The following RPS6KC1 variants were observed in gnomAD, a reference collection of about 807,000 sequenced individuals.
RPS6KC1 encodes the protein inactive ribosomal protein S6 kinase delta-1.
Under a neutral mutation model 103.8 loss-of-function variants are expected in RPS6KC1, and 54 were observed. The observed-to-expected ratio is 0.52, with a 90% CI of 0.42 to 0.65. RPS6KC1 has a LOEUF of 0.65. Among genes scored for constraint, RPS6KC1 ranks in the 30% least tolerant of loss-of-function variants. The probability of loss-of-function intolerance (pLI) is 0.00; values close to 1 mark genes in which losing one functional copy is unlikely to be tolerated. For missense variants in RPS6KC1, 1,151 were observed against 1,253.8 expected (o/e 0.92, Z 1.24); for synonymous variants, 439 against 438.7 (o/e 1.00, Z -0.01).
intron 8 of RPS6KC1, among the ~76,000 whole-genome samples, chr1:213,200,316 C>G (rs544922882): frequency 4.7e-4 from 71 of 152,000 alleles, no homozygotes; most frequent in African/African-American, 1.7e-3. Context: ...AATAGAGAAC[C>G]CAGAAATAAG....
At chr1:213,360,370 T>C in the RPS6KC1 span, among the ~76,000 whole-genome samples, 1 of 152,240 alleles carries the variant, frequency 6.6e-6, no homozygotes, top group Non-Finnish European at 1.5e-5. Context: ...GCTTGTGCAT[T>C]TGTCACGTAG....
At chr1:213,808,412 T>C in the RPS6KC1 span, among the ~76,000 whole-genome samples, 2 of 152,258 alleles carry the variant, frequency 1.3e-5, no homozygotes, top group African/African-American at 4.8e-5. Context: ...GCAGGCCTTC[T>C]TGAGCTGTGG....
At chr1:213,446,091 A>G in the RPS6KC1 span, among the ~76,000 whole-genome samples, 2 of 152,176 alleles carry the variant, frequency 1.3e-5, no homozygotes, top group Non-Finnish European at 2.9e-5. Context: ...CGTGCTGTTG[A>G]AATGAGTATT....
chr1:213,140,883 G>T, intron 6 of RPS6KC1, among the ~76,000 whole-genome samples: 2 of 126,084 alleles, frequency 1.6e-5, no homozygotes, highest in African/African-American at 3.0e-5. Context: ...CAGTAGGATT[G>T]GTACCTCCTC....
At chr1:213,421,440 C>T in the RPS6KC1 span, among the ~76,000 whole-genome samples, 2 of 152,154 alleles carry the variant, frequency 1.3e-5, no homozygotes, top group Admixed American at 6.5e-5. Flanking sequence ...TGAGAGGACA[C>T]AATTAAATCC....
the RPS6KC1 span, among the ~76,000 whole-genome samples, chr1:213,325,557 T>C: frequency 6.6e-6 from 1 of 152,358 alleles, no homozygotes; most frequent in East Asian, 1.9e-4. Context: ...CTCTTTCTAG[T>C]GCCCTTGCCC....
At chr1:213,579,798 T>A in the RPS6KC1 span, among the ~76,000 whole-genome samples, 1 of 152,078 alleles carries the variant, frequency 6.6e-6, no homozygotes, top group Non-Finnish European at 1.5e-5. Flanking sequence ...AAAGCCTGGA[T>A]GACAGCACAT....
chr1:213,486,987 A>G, the RPS6KC1 span, among the ~76,000 whole-genome samples: 1 of 152,220 alleles, frequency 6.6e-6, no homozygotes, highest in Non-Finnish European at 1.5e-5. Flanking sequence ...TTCTAGCTAC[A>G]TCTGGTCAAT....
intron 6 of RPS6KC1, among the ~76,000 whole-genome samples, chr1:213,151,359 C>T (rs2088851925): frequency 4.4e-5 from 6 of 135,380 alleles, no homozygotes; most frequent in Admixed American, 4.2e-4. Flanking sequence ...ACCCCCCCAC[C>T]TCCCTCCCGG....
chr1:213,201,308 A>G (rs1207384610), intron 8 of RPS6KC1, among the ~76,000 whole-genome samples: 1 of 152,242 alleles, frequency 6.6e-6, no homozygotes, highest in Non-Finnish European at 1.5e-5. Context: ...GCCTTAAGAC[A>G]TGGAGAAACC....
the RPS6KC1 span, among the ~76,000 whole-genome samples, chr1:213,344,723 C>T: frequency 6.6e-6 from 1 of 152,040 alleles, no homozygotes; most frequent in African/African-American, 2.4e-5. Context: ...TTAGTAGAGA[C>T]GAGGTTTTGC....
chr1:213,110,280 G>A lies in RPS6KC1; in HGVS notation c.378+5711G>A, dbSNP rs1419385161. Among the ~76,000 whole-genome samples the A allele has an allele frequency of 2.6e-5, 4 of 152,084 alleles. No homozygotes were observed. In the East Asian group the frequency reaches 5.8e-4, roughly 22 times the overall value. ...ACTTTCCTGTGTCTTTGTATGTCCTGTAATTTTTTTTTGTTGGAAAATCTA... is the reference window on the plus strand; with the variant it reads ...ACTTTCCTGTGTCTTTGTATGTCCTATAATTTTTTTTTGTTGGAAAATCTA... On this transcript the variant is annotated intron_variant, in intron 4 of 14. Coordinates refer to ENST00000366960, the MANE Select transcript of RPS6KC1 (RefSeq NM_012424.6).
chr1:213,108,655 T>TC (rs2082717037), intron 4 of RPS6KC1, among the ~76,000 whole-genome samples: 1 of 144,408 alleles, frequency 6.9e-6, no homozygotes, highest in Non-Finnish European at 1.5e-5. Context: ...TTTTACTTCT[T>TC]TTTTTTTTTT....
chr1:213,586,202 C>T, the RPS6KC1 span, among the ~76,000 whole-genome samples: 1 of 152,352 alleles, frequency 6.6e-6, no homozygotes, highest in Non-Finnish European at 1.5e-5. Flanking sequence ...AAGGGACTGA[C>T]ATTACATTAC....
chr1:213,504,749 T>C, the RPS6KC1 span, among the ~76,000 whole-genome samples: 1 of 152,236 alleles, frequency 6.6e-6, no homozygotes, highest in Non-Finnish European at 1.5e-5. Context: ...CCAGTTTTAT[T>C]CTTATTTCTT....
At chr1:213,598,098 T>TG in the RPS6KC1 span, among the ~76,000 whole-genome samples, 1 of 152,198 alleles carries the variant, frequency 6.6e-6, no homozygotes, top group Non-Finnish European at 1.5e-5. Context: ...GCCCCACAAC[T>TG]TGTAGAAACA....
chr1:213,358,720 G>A, the RPS6KC1 span, among the ~76,000 whole-genome samples: 4 of 151,890 alleles, frequency 2.6e-5, no homozygotes, highest in East Asian at 7.7e-4. Flanking sequence ...TTTACACACT[G>A]CTTTAAATGT....
chr1:213,798,095 T>C, the RPS6KC1 span, among the ~76,000 whole-genome samples: 1 of 152,172 alleles, frequency 6.6e-6, no homozygotes, highest in South Asian at 2.1e-4. Flanking sequence ...GGACCCATCA[T>C]CGGGGAGACC....
At chr1:213,383,348 C>A in the RPS6KC1 span, among the ~76,000 whole-genome samples, 1 of 152,340 alleles carries the variant, frequency 6.6e-6, no homozygotes, top group East Asian at 1.9e-4. Context: ...CACCAGAAGC[C>A]CCCTTTACCT....
Sources: allele counts gnomAD v4.1 joint callset (sites outside exome capture counted in the v4.1 genomes callset), GRCh38; gene constraint gnomAD v4.1.1; transcripts MANE v1.5; gene names NCBI Gene and HGNC (gene_info 2026-07-23, HGNC 2026-07-21).